Variants in GSDMC observed in about 807,000 individuals in gnomAD.
GSDMC encodes gasdermin C, also known as gasdermin-C.
Under a neutral mutation model 58.0 loss-of-function variants are expected in GSDMC, and 59 were observed. The observed-to-expected ratio is 1.02, with a 90% CI of 0.82 to 1.26. The LOEUF is 1.26. Among genes scored for constraint, GSDMC ranks in the 50% most tolerant of loss-of-function variants. The pLI, the probability that GSDMC is intolerant of heterozygous loss-of-function variation, is 0.00. For synonymous variants in GSDMC, 241 were observed against 220.2 expected, an observed-to-expected ratio of 1.09 and a Z score of -0.83; for missense variants, 659 against 598.5, an observed-to-expected ratio of 1.10 and a Z score of -1.06.
At chr8:129,752,008 G>T (rs2033218659) in intron 8 of GSDMC, 98 bp downstream of exon 8, 1 of 1,457,164 alleles carries the variant, frequency 6.9e-7, no homozygotes, top group Admixed American at 1.7e-5. Flanking sequence ...TTTCCCCAGA[G>T]GCCAGACCCC....
chr8:129,755,882 C>G (rs1473764127), intron 6 of GSDMC, among the ~76,000 whole-genome samples: 2 of 137,474 alleles, frequency 1.5e-5, no homozygotes, highest in African/African-American at 5.4e-5. Context: ...ACACAGAAAA[C>G]AAAAAGCAAA....
the GSDMC span, among the ~76,000 whole-genome samples, chr8:129,734,629 G>C: frequency 7.2e-5 from 11 of 152,298 alleles, no homozygotes; most frequent in East Asian, 1.9e-3. Context: ...CAAATGCTGA[G>C]AGATTTTGTC....
intron 3 of GSDMC, 38 bp from the exon 4 acceptor site, chr8:129,765,831 G>A (rs910263302): frequency 6.3e-7 from 1 of 1,575,374 alleles, no homozygotes; most frequent in African/African-American, 1.3e-5. Flanking sequence ...GTCAGAGTGG[G>A]AAAGTGATGG....
chr8:129,767,425 G>T (rs1364523635), intron 3 of GSDMC, among the ~76,000 whole-genome samples: 1 of 151,632 alleles, frequency 6.6e-6, no homozygotes, highest in African/African-American at 2.4e-5. Context: ...AGAAAGTAAA[G>T]CTGGTGACTC....
chr8:129,747,278 A>G (rs2032983649), downstream of GSDMC, among the ~76,000 whole-genome samples: 1 of 152,024 alleles, frequency 6.6e-6, no homozygotes, highest in African/African-American at 2.4e-5. Flanking sequence ...AAAATTTGAT[A>G]AAGAATTAAC....
the GSDMC span, among the ~76,000 whole-genome samples, chr8:129,737,922 G>A: frequency 2.5e-4 from 38 of 152,250 alleles, no homozygotes; most frequent in South Asian, 6.2e-4. Flanking sequence ...GTCTGACAAA[G>A]GGCTAATATC....
chr8:129,758,688 TA>T (rs2033536970), intron 6 of GSDMC, among the ~76,000 whole-genome samples: 1 of 152,034 alleles, frequency 6.6e-6, no homozygotes, highest in African/African-American at 2.4e-5. Flanking sequence ...ATAAAAACTA[TA>T]AAACATTGAT....
At chr8:129,768,494 A>C (rs2033941614) in intron 3 of GSDMC, among the ~76,000 whole-genome samples, 1 of 152,234 alleles carries the variant, frequency 6.6e-6, no homozygotes, top group South Asian at 2.1e-4. Context: ...AACGATACAC[A>C]AAATTAGTTC....
chr8:129,734,158 A>G, the GSDMC span, among the ~76,000 whole-genome samples: 1 of 152,218 alleles, frequency 6.6e-6, no homozygotes, highest in African/African-American at 2.4e-5. Flanking sequence ...AAAGCCTCCA[A>G]GAAATATGGG....
At chr8:129,715,562 G>A in the GSDMC span, among the ~76,000 whole-genome samples, 3 of 152,106 alleles carry the variant, frequency 2.0e-5, no homozygotes, top group African/African-American at 4.8e-5. Context: ...AGAATTCTAT[G>A]CCTACCTTAA....
At chr8:129,723,499 C>T in the GSDMC span, among the ~76,000 whole-genome samples, 1 of 150,498 alleles carries the variant, frequency 6.6e-6, no homozygotes, top group African/African-American at 2.5e-5. Flanking sequence ...AACTCCTGAC[C>T]TCATGATCCA....
chr8:129,707,630 G>A, the GSDMC span, among the ~76,000 whole-genome samples: 2 of 152,110 alleles, frequency 1.3e-5, no homozygotes, highest in Non-Finnish European at 2.9e-5. Flanking sequence ...ACAGCTCAAA[G>A]CTATTCTTAC....
At chr8:129,732,413 T>C in the GSDMC span, among the ~76,000 whole-genome samples, 3 of 151,006 alleles carry the variant, frequency 2.0e-5, no homozygotes, top group African/African-American at 4.9e-5. Flanking sequence ...GAAAAAATAA[T>C]ACTATTATAG....
chr8:129,777,249 G>A, intron 2 of GSDMC, 119 bp downstream of exon 2: 1 of 638,178 alleles, frequency 1.6e-6, no homozygotes, highest in Non-Finnish European at 2.8e-6. Flanking sequence ...TTGCCTATAG[G>A]CAAGGCTAAT....
In GSDMC at chr8:129,765,615, G is replaced by T; in HGVS notation, c.570+13C>A. 1 of 1,606,992 alleles carries T rather than the reference G, an allele frequency of 6.2e-7. No individual in the cohort carries two copies. The highest frequency in any genetic ancestry group is 8.5e-7 in the Non-Finnish European group (1 of 1,173,912). Reference sequence around the variant, plus strand: ...TTTTTGAATTTCAATCCCACTTCAGGACAACTTTATACCTTGCCATAGGTA... The same window carrying T: ...TTTTTGAATTTCAATCCCACTTCAGTACAACTTTATACCTTGCCATAGGTA... On this transcript the variant is annotated intron_variant, in intron 4 of 13. Transcript: ENST00000276708.
chr8:129,713,604 AC>A, the GSDMC span, among the ~76,000 whole-genome samples: 1 of 152,192 alleles, frequency 6.6e-6, no homozygotes, highest in Non-Finnish European at 1.5e-5. Context: ...CCGGACAGAG[AC>A]AAGAACAAGG....
the GSDMC span, among the ~76,000 whole-genome samples, chr8:129,731,746 A>G: frequency 1.3e-5 from 2 of 152,196 alleles, no homozygotes; most frequent in African/African-American, 4.8e-5. Flanking sequence ...ATGTAAAAAC[A>G]CCCTCACAGA....
At position 129,751,528 on chromosome 8, in the gene GSDMC, TAATA is replaced by T. The variant is rs751131588; in HGVS notation, c.943+10_943+13del. On this transcript the variant is annotated intron_variant, in intron 10 of 13. Transcript: ENST00000276708. The stretch of plus-strand genomic sequence containing the variant: ...CACCCAGAAGCCCCAGGTTCCCCCT[TAATA>T]AATACTTACTTTGCCAGAAGGGTTC... 1 of 1,609,402 alleles carries T rather than the reference TAATA, an allele frequency of 6.2e-7. No individual in the cohort carries two copies. Among genetic ancestry groups the T allele is most frequent in the South Asian group, 1.1e-5 (1 of 90,726 alleles).
At chr8:129,737,763 A>C in the GSDMC span, among the ~76,000 whole-genome samples, 1 of 152,246 alleles carries the variant, frequency 6.6e-6, no homozygotes, top group Non-Finnish European at 1.5e-5. Flanking sequence ...CAAGAACTTC[A>C]TGACTAAAAC....
Sources: gnomAD v4.1 joint callset for allele counts (sites outside exome capture counted in the v4.1 genomes callset) on GRCh38, gnomAD v4.1.1 for gene constraint, MANE v1.5 for transcripts, NCBI Gene and HGNC (gene_info 2026-07-23, HGNC 2026-07-21) for gene names.